USP49: variants seen among roughly 807,000 people sequenced by gnomAD.
The protein encoded by USP49 is ubiquitin carboxyl-terminal hydrolase 49.
Under a neutral mutation model 58.6 loss-of-function variants are expected in USP49, and 24 were observed. The observed-to-expected ratio is 0.41, with a 90% CI of 0.30 to 0.58. The LOEUF (loss-of-function observed/expected upper bound fraction) is 0.58. USP49 is among the 20% of genes least tolerant of loss of function. The pLI, the probability that USP49 is intolerant of heterozygous loss-of-function variation, is 0.30. For synonymous variants in USP49, 408 were observed against 365.1 expected (o/e 1.12, Z -1.34); for missense variants, 703 against 866.1 (o/e 0.81, Z 2.36).
intron 7 of USP49, chr6:41,798,423 A>G (rs1772928611): frequency 3.8e-6 from 2 of 528,820 alleles, no homozygotes; most frequent in East Asian, 1.0e-4. Flanking sequence ...ACCAGTGCCC[A>G]CCACCACGCC....
intron 3 of USP49, among the ~76,000 whole-genome samples, chr6:41,835,258 T>C (rs192350039): frequency 6.6e-6 from 1 of 152,194 alleles, no homozygotes; most frequent in East Asian, 1.9e-4. Context: ...TGCAAAGGAG[T>C]CTTTAGCCAA....
chr6:41,890,338 C>T (rs1458926580), intron 2 of USP49, among the ~76,000 whole-genome samples: 3 of 149,230 alleles, frequency 2.0e-5, no homozygotes, highest in East Asian at 4.0e-4. Flanking sequence ...AAGATCATGC[C>T]ACTGCACTCC....
intron 3 of USP49, among the ~76,000 whole-genome samples, chr6:41,852,865 CAT>C (rs1039816615): frequency 2.1e-4 from 32 of 152,186 alleles, no homozygotes; most frequent in African/African-American, 7.0e-4. Context: ...GTGGTATACA[CAT>C]GAGATGGAAT....
intron 7 of USP49, 135 bp from the exon 8 acceptor site, chr6:41,796,858 G>C (rs1772894819): frequency 3.3e-6 from 2 of 609,354 alleles, no homozygotes; most frequent in Non-Finnish European, 5.9e-6. Flanking sequence ...GTGGGGAAGG[G>C]ACAGGTAAAT....
intron 3 of USP49, among the ~76,000 whole-genome samples, chr6:41,811,816 T>C (rs1272439517): frequency 6.6e-6 from 1 of 152,130 alleles, no homozygotes; most frequent in Non-Finnish European, 1.5e-5. Context: ...CAACTAAGGG[T>C]ACAAATTGGG....
chr6:41,832,089 A>C (rs889775047), intron 3 of USP49, among the ~76,000 whole-genome samples: 3 of 151,724 alleles, frequency 2.0e-5, no homozygotes, highest in African/African-American at 7.3e-5. Flanking sequence ...ACCATAGTCC[A>C]AACTCCTTAA....
intron 3 of USP49, among the ~76,000 whole-genome samples, chr6:41,863,446 C>T (rs1461124014): frequency 1.3e-5 from 2 of 152,190 alleles, no homozygotes; most frequent in Non-Finnish European, 2.9e-5. Flanking sequence ...GCTAGTGGAT[C>T]TTGACGCCTC....
intron 3 of USP49, among the ~76,000 whole-genome samples, chr6:41,832,132 C>G (rs1773645988): frequency 6.6e-6 from 1 of 151,834 alleles, no homozygotes; most frequent in Non-Finnish European, 1.5e-5. Context: ...TTTTACCATT[C>G]ACCCCCTGCA....
chr6:41,827,599 G>T (rs1489515231), intron 3 of USP49, among the ~76,000 whole-genome samples: 1 of 146,032 alleles, frequency 6.8e-6, no homozygotes. Context: ...GGCAGAAGTT[G>T]CAGTGAGCCA....
At chr6:41,822,021 C>G (rs1773461320) in intron 3 of USP49, among the ~76,000 whole-genome samples, 1 of 152,094 alleles carries the variant, frequency 6.6e-6, no homozygotes, top group South Asian at 2.1e-4. Context: ...GTCATAGAAA[C>G]AATGTGAAAA....
intron 2 of USP49, among the ~76,000 whole-genome samples, chr6:41,876,804 C>T (rs1774511729): frequency 2.0e-5 from 3 of 152,180 alleles, no homozygotes; most frequent in Non-Finnish European, 4.4e-5. Flanking sequence ...CATGCATTTA[C>T]AGCTAAATAA....
chr6:41,819,640 GT>G, intron 3 of USP49, among the ~76,000 whole-genome samples: 1 of 152,168 alleles, frequency 6.6e-6, no homozygotes, highest in South Asian at 2.1e-4. Flanking sequence ...AATAGGGGAT[GT>G]AGGCAGTGGC....
chr6:41,828,262 G>C, intron 3 of USP49, among the ~76,000 whole-genome samples: 1 of 152,000 alleles, frequency 6.6e-6, no homozygotes, highest in Admixed American at 6.6e-5. Flanking sequence ...GGCCAACATG[G>C]GGAAACCCCA....
chr6:41,867,683 C>T (rs187388376), intron 3 of USP49, among the ~76,000 whole-genome samples: 2,256 of 151,736 alleles, frequency 0.015, 25 homozygotes, highest in Non-Finnish European at 0.021. Flanking sequence ...ACCCAGGAGG[C>T]GGAGCTTGCA....
intron 3 of USP49, among the ~76,000 whole-genome samples, chr6:41,852,101 G>A (rs1032288340): frequency 2.6e-5 from 4 of 152,068 alleles, no homozygotes; most frequent in South Asian, 2.1e-4. Flanking sequence ...CGAGGAGGGC[G>A]GATCACCTGA....
chr6:41,853,806 GACC>G (rs1774073665), intron 3 of USP49, among the ~76,000 whole-genome samples: 1 of 151,406 alleles, frequency 6.6e-6, no homozygotes, highest in African/African-American at 2.4e-5. Flanking sequence ...AGACCAGCCT[GACC>G]AACATGGAGA....
At position 41,806,809 on chromosome 6, in the gene USP49, CAA is replaced by C; in HGVS notation, c.173_174del (p.Phe58Ter). ...RYIEDHALKH[F>X]EETGHPLAME... ...ATGGCTAGCGGGTGTCCCGTCTCCT[CAA>C]AGTGTTTCAGGGCGTGGTCCTCAAT... On this transcript the variant is annotated frameshift_variant, in exon 4 of 8. Transcript: ENST00000682992. LOFTEE classifies it high-confidence loss of function. The surrounding 1 kb of genome is among the most constrained non-coding windows in gnomAD (Gnocchi z 5.9). 6.2e-7 allele frequency: 1 copy of C among 1,614,188 alleles called. No individual in the cohort carries two copies. The highest frequency in any genetic ancestry group is 8.5e-7 in the Non-Finnish European group (1 of 1,180,034).
chr6:41,834,937 AAT>A, intron 3 of USP49, among the ~76,000 whole-genome samples: 1 of 152,284 alleles, frequency 6.6e-6, no homozygotes, highest in Middle Eastern at 3.4e-3. Flanking sequence ...CAGTTTTTAT[AAT>A]ATATGATTGT....
intron 3 of USP49, among the ~76,000 whole-genome samples, chr6:41,836,500 T>C (rs981597896): frequency 2.0e-5 from 3 of 152,116 alleles, no homozygotes; most frequent in African/African-American, 7.2e-5. Flanking sequence ...CTACTCAGCG[T>C]AGTACTGGAA....
Sources: allele counts gnomAD v4.1 joint callset (sites outside exome capture counted in the v4.1 genomes callset), GRCh38; gene constraint gnomAD v4.1.1; non-coding constraint Gnocchi (gnomAD v3.1); transcripts MANE v1.5; gene names NCBI Gene and HGNC (gene_info 2026-07-23, HGNC 2026-07-21).